The following CCDC171 variants were observed in gnomAD, a reference collection of about 807,000 sequenced individuals.
CCDC171 encodes coiled-coil domain containing 171, also known as coiled-coil domain-containing protein 171.
In CCDC171, 177 loss-of-function variants were observed where a neutral mutation model predicts 168.2. The ratio of observed to expected loss-of-function variants is 1.05; its 90% CI spans 0.93 to 1.19. The LOEUF is 1.19. Ranked by LOEUF, CCDC171 falls within the 50% of genes most tolerant of loss-of-function variation. The pLI is 0.00. For synonymous variants in CCDC171, 687 were observed against 540.8 expected, an observed-to-expected ratio of 1.27 and a Z score of -3.75; for missense variants, 1,991 against 1,539.0, an observed-to-expected ratio of 1.29 and a Z score of -4.91.
At chr9:15,684,496 C>G (rs1421100359) in intron 10 of CCDC171, among the ~76,000 whole-genome samples, 1 of 151,844 alleles carries the variant, frequency 6.6e-6, no homozygotes, top group Non-Finnish European at 1.5e-5. Flanking sequence ...TACCAATTTT[C>G]AGATATAAAT....
At chr9:15,790,233 C>T (rs1237850189) in intron 21 of CCDC171, among the ~76,000 whole-genome samples, 1 of 152,180 alleles carries the variant, frequency 6.6e-6, no homozygotes, top group Non-Finnish European at 1.5e-5. Context: ...AAAAGTGTTC[C>T]TGTTTCTCCA....
Position 15,735,879 on chromosome 9 carries a change from C to G in CCDC171, c.2049+6081C>G, listed in dbSNP as rs138950735. On this transcript the variant is annotated intron_variant, in intron 16 of 25. Transcript: ENST00000380701. Reference sequence around the variant, plus strand: ...AAATTGTGGAAGAGACTTCTGACTACTTTTCAAATAATTGCTTTAGAAATT... The same window carrying G: ...AAATTGTGGAAGAGACTTCTGACTAGTTTTCAAATAATTGCTTTAGAAATT... Among the ~76,000 whole-genome samples the G allele has an allele frequency of 1.2e-4, 19 of 152,302 alleles. No individual in the cohort carries two copies. The East Asian group carries it at 3.7e-3, about 29-fold the overall frequency.
chr9:15,939,132 T>C (rs1020269479), intron 25 of CCDC171, among the ~76,000 whole-genome samples: 32 of 151,608 alleles, frequency 2.1e-4, no homozygotes, highest in African/African-American at 7.7e-4. Context: ...AGAAGGAGTT[T>C]TGAAGAATTA....
At chr9:15,636,377 T>C (rs1587632331) in intron 7 of CCDC171, among the ~76,000 whole-genome samples, 1 of 152,278 alleles carries the variant, frequency 6.6e-6, no homozygotes, top group East Asian at 1.9e-4. Flanking sequence ...TGAACATCTT[T>C]TTAGGCCAAT....
chr9:15,952,431 T>C (rs1457434927), intron 25 of CCDC171, among the ~76,000 whole-genome samples: 1 of 152,144 alleles, frequency 6.6e-6, no homozygotes, highest in Non-Finnish European at 1.5e-5. Context: ...AGAGTCTCGC[T>C]GTGTTTCCCA....
At chr9:16,037,452 T>A (rs1833492275) in intron 8 of CCDC171, among the ~76,000 whole-genome samples, 1 of 152,130 alleles carries the variant, frequency 6.6e-6, no homozygotes, top group African/African-American at 2.4e-5. Context: ...TCCAAAATTA[T>A]GAAGAATATT....
chr9:16,040,877 C>A (rs998051530), upstream of CCDC171, among the ~76,000 whole-genome samples: 1 of 151,678 alleles, frequency 6.6e-6, no homozygotes, highest in Non-Finnish European at 1.5e-5. Context: ...CAAAGATACT[C>A]TCTCTTTTTT....
intron 6 of CCDC171, among the ~76,000 whole-genome samples, chr9:15,615,898 C>G (rs549469420): frequency 6.6e-6 from 1 of 151,894 alleles, no homozygotes; most frequent in Non-Finnish European, 1.5e-5. Context: ...CCCACCTCAG[C>G]CCTCCAAGTA....
intron 6 of CCDC171, among the ~76,000 whole-genome samples, chr9:15,603,991 C>G (rs1315610635): frequency 1.3e-5 from 2 of 151,870 alleles, no homozygotes; most frequent in African/African-American, 4.8e-5. Flanking sequence ...ACTTGCATTT[C>G]TCTGATGATC....
chr9:15,561,392 A>G (rs2039291049), intron 1 of CCDC171, among the ~76,000 whole-genome samples: 1 of 152,192 alleles, frequency 6.6e-6, no homozygotes, highest in African/African-American at 2.4e-5. Flanking sequence ...GAAGAAGAGA[A>G]AGGCTGATTT....
chr9:15,989,770 A>G (rs1832124651), intron 3 of CCDC171, among the ~76,000 whole-genome samples: 1 of 152,172 alleles, frequency 6.6e-6, no homozygotes, highest in African/African-American at 2.4e-5. Context: ...CACGAGAACT[A>G]GGTGACAAAT....
chr9:15,623,282 G>A lies in CCDC171; in HGVS notation c.691G>A (p.Val231Met), dbSNP rs1157388385. 6.3e-7 allele frequency: 1 copy of A among 1,585,882 alleles called. No homozygotes were observed. Among genetic ancestry groups the A allele is most frequent in the African/African-American group, 1.3e-5 (1 of 74,532 alleles). The stretch of plus-strand genomic sequence containing the variant: ...TATTTTCCAGGAGCAAGATACTGCT[G>A]TGCAAAATATGCATAAGAAAGTAGA... ...QFIVQEQDTA[V>M]QNMHKKVEKL... Residue 231 changes from valine to methionine, a missense_variant, in exon 7 of 26, where the codon GTG (valine) becomes ATG (methionine). Val to Met is a conservative substitution (Grantham distance 21). Transcript: ENST00000380701.
At chr9:16,078,755 G>T in the CCDC171 span, among the ~76,000 whole-genome samples, 1 of 152,090 alleles carries the variant, frequency 6.6e-6, no homozygotes, top group South Asian at 2.1e-4. Flanking sequence ...GAATGAGCAT[G>T]ATACCATTTG....
intron 3 of CCDC171, among the ~76,000 whole-genome samples, chr9:15,576,981 C>CT (rs1204229388): frequency 5.3e-5 from 8 of 152,058 alleles, no homozygotes; most frequent in South Asian, 2.1e-4. Context: ...GGAGAGGCTG[C>CT]TTTTTTTTGG....
intron 7 of CCDC171, among the ~76,000 whole-genome samples, chr9:15,654,998 C>G (rs533945160): frequency 4.6e-5 from 7 of 152,042 alleles, no homozygotes; most frequent in Non-Finnish European, 1.0e-4. Context: ...CACATGGACA[C>G]AGGAAGGGGA....
intron 25 of CCDC171, among the ~76,000 whole-genome samples, chr9:15,957,698 T>A (rs1036898429): frequency 6.6e-6 from 1 of 152,196 alleles, no homozygotes; most frequent in African/African-American, 2.4e-5. Flanking sequence ...CAAGAGAGTA[T>A]GAAAATTGAC....
intron 6 of CCDC171, among the ~76,000 whole-genome samples, chr9:16,025,762 C>A (rs1013428958): frequency 1.3e-5 from 2 of 152,028 alleles, no homozygotes; most frequent in African/African-American, 2.4e-5. Flanking sequence ...AGACAGAAAG[C>A]AGATCAGTGG....
intron 6 of CCDC171, among the ~76,000 whole-genome samples, chr9:16,033,371 C>T (rs1033885049): frequency 6.6e-6 from 1 of 152,184 alleles, no homozygotes; most frequent in African/African-American, 2.4e-5. Flanking sequence ...GCTCACATTA[C>T]GGCCCGAGCT....
intron 3 of CCDC171, among the ~76,000 whole-genome samples, chr9:16,006,508 G>A (rs1223825486): frequency 1.3e-5 from 2 of 152,090 alleles, no homozygotes; most frequent in Non-Finnish European, 2.9e-5. Flanking sequence ...GTATACATGT[G>A]CCATGTTGGT....
Sources: gnomAD v4.1 joint callset for allele counts (sites outside exome capture counted in the v4.1 genomes callset) on GRCh38, gnomAD v4.1.1 for gene constraint, MANE v1.5 for transcripts, NCBI Gene and HGNC (gene_info 2026-07-23, HGNC 2026-07-21) for gene names.